The following ARHGEF25 variants were observed in gnomAD, a reference collection of about 807,000 sequenced individuals.
The protein encoded by ARHGEF25 is Rho guanine nucleotide exchange factor 25, also known as RAC/CDC42 exchange factor.
A neutral mutation model predicts 74.0 loss-of-function variants in ARHGEF25; 42 were observed. The observed-to-expected ratio is 0.57, with a 90% CI of 0.44 to 0.73. ARHGEF25 has a LOEUF of 0.73. Among genes scored for constraint, ARHGEF25 ranks in the 30% least tolerant of loss-of-function variants. The probability of loss-of-function intolerance (pLI) is 0.00; values close to 1 mark genes in which losing one functional copy is unlikely to be tolerated. For missense variants in ARHGEF25, 645 were observed against 725.5 expected (o/e 0.89, Z 1.27); for synonymous variants, 293 against 278.6 (o/e 1.05, Z -0.51).
chr12:57,614,566 AGAGCAT>A lies in ARHGEF25; in HGVS notation c.779_784del (p.Glu260_His261del), dbSNP rs770214906. ...TGTACTGTCAGAATAAGCCCAAGTC[AGAGCAT>A]GTGGTGTCAGAGTTTGGGGACAGCT... On this transcript the variant is annotated inframe_deletion, in exon 8 of 15. Transcript: ENST00000286494. The surrounding 1 kb of genome is among the most constrained non-coding windows in gnomAD (Gnocchi z 4.6). 6.2e-7 allele frequency: 1 copy of A among 1,614,030 alleles called. No homozygotes were observed. Among genetic ancestry groups the A allele is most frequent in the South Asian group, 1.1e-5 (1 of 91,076 alleles).
Position 57,611,586 on chromosome 12 carries a change from A to C in ARHGEF25, c.-309A>C. 2 of 992,174 alleles carry C rather than the reference A, an allele frequency of 2.0e-6. No homozygotes were observed. Among genetic ancestry groups the C allele is most frequent in the Non-Finnish European group, 2.4e-6 (2 of 837,114 alleles). The allele number at this position is 992,174 out of a possible 1,614,324, so 61.5% of individuals were successfully genotyped here. ...GCATCCCGGCCCAGCCTCCCCTACC[A>C]TCCCTCCCCCTTCCACTGGACATCT... is the stretch of plus-strand genomic sequence containing the variant. On this transcript the variant is annotated 5_prime_UTR_variant, in exon 1 of 15. Transcript: ENST00000286494. This position sits in a 1 kb window ranked among gnomAD's most constrained non-coding sequence, Gnocchi z 4.5.
At chr12:57,611,239 G>C (rs1384018532), upstream of ARHGEF25, among the ~76,000 whole-genome samples, 1 of 152,208 alleles carries the variant, frequency 6.6e-6, no homozygotes, top group Non-Finnish European at 1.5e-5. The surrounding 1 kb of genome is among the most constrained non-coding windows in gnomAD (Gnocchi z 4.5). Flanking sequence ...GCGAGAGGGA[G>C]GGGGACCCCG....
chr12:57,615,263 GC>G lies in ARHGEF25; in HGVS notation c.990del (p.Lys331SerfsTer6). ...AAGCTGTGGAGGTCATGTGCTTTGT[GC>G]CCAAGCGCTGCAACGATATGATGAC... ...EQAVEVMCFV[P>X]KRCNDMMTLG... is the part of the protein sequence containing the mutation. On this transcript the variant is annotated frameshift_variant, in exon 11 of 15. Coordinates refer to ENST00000286494, the MANE Select transcript of ARHGEF25 (RefSeq NM_182947.4). LOFTEE classifies it high-confidence loss of function. 6.2e-7 allele frequency: 1 copy of G among 1,608,138 alleles called. No homozygotes were observed. The highest frequency in any genetic ancestry group is 8.5e-7 in the Non-Finnish European group (1 of 1,177,302).
intron 5 of ARHGEF25, 112 bp from the exon 6 acceptor site, chr12:57,613,904 C>T (rs1884166537): frequency 2.0e-6 from 3 of 1,474,908 alleles, no homozygotes; most frequent in Non-Finnish European, 2.8e-6. Context: ...GGCAGGGCGG[C>T]TCCCACCAGG....
chr12:57,615,071 T>A, intron 10 of ARHGEF25, 54 bp downstream of exon 10: 1 of 1,605,142 alleles, frequency 6.2e-7, no homozygotes. Context: ...CCTCCTAGTA[T>A]CTCATGGGTT....
chr12:57,613,584 G>GA, intron 4 of ARHGEF25, 68 bp downstream of exon 4: 3 of 1,612,128 alleles, frequency 1.9e-6, no homozygotes, highest in Non-Finnish European at 2.5e-6. Flanking sequence ...ATTTTAGATG[G>GA]AATTTCCTCC....
At chr12:57,612,884 G>T in intron 1 of ARHGEF25, 46 bp from the exon 2 acceptor site, 1 of 1,586,176 alleles carries the variant, frequency 6.3e-7, no homozygotes, top group Non-Finnish European at 8.6e-7. Flanking sequence ...CCTGAGTCTG[G>T]AGCTGGGGCA....
At position 57,616,337 on chromosome 12, in the gene ARHGEF25, G is replaced by C; in HGVS notation, c.1474G>C (p.Gly492Arg). 2 of 1,613,902 alleles carry C rather than the reference G, an allele frequency of 1.2e-6. No individual in the cohort carries two copies. Among genetic ancestry groups the C allele is most frequent in the Non-Finnish European group, 1.7e-6 (2 of 1,179,976 alleles). ...QRRESQTNSL[G>R]RPRGPGVGSP... Reference sequence around the variant, plus strand: ...ACGGGAGAGCCAGACCAACAGCCTGGGGCGGCCAAGAGGGCCTGGAGTGGG... The same window carrying C: ...ACGGGAGAGCCAGACCAACAGCCTGCGGCGGCCAAGAGGGCCTGGAGTGGG... The change falls in exon 14 of 15, where the codon GGG (glycine) becomes CGG (arginine). Residue 492 changes from glycine (G) to arginine (R), a missense_variant. Physicochemically the swap from Gly to Arg is moderately radical, Grantham distance 125. Transcript: ENST00000286494.
At position 57,611,833 on chromosome 12, in the gene ARHGEF25, G is replaced by T. The variant is rs1594957914; in HGVS notation, c.-62G>T. 1 of 1,188,892 alleles carries T rather than the reference G, an allele frequency of 8.4e-7. No individual in the cohort carries two copies. The highest frequency in any genetic ancestry group is 3.2e-5 in the East Asian group (1 of 30,874). The allele number at this position is 1,188,892 out of a possible 1,614,324, so 73.6% of individuals were successfully genotyped here. ...GTGCGCCCGGCGCCGTCCCCGCCCCGCCCCCCGTGATTCCCCCTGCATGGC... is the reference window on the plus strand; with the variant it reads ...GTGCGCCCGGCGCCGTCCCCGCCCCTCCCCCCGTGATTCCCCCTGCATGGC... On this transcript the variant is annotated 5_prime_UTR_variant, in exon 1 of 15. Coordinates refer to ENST00000286494, the MANE Select transcript of ARHGEF25 (RefSeq NM_182947.4). The surrounding 1 kb of genome is among the most constrained non-coding windows in gnomAD (Gnocchi z 4.5).
chr12:57,615,667 G>A lies in ARHGEF25; in HGVS notation c.1194G>A (p.Val398=). 6.2e-7 allele frequency: 1 copy of A among 1,614,200 alleles called. No individual in the cohort carries two copies. Among genetic ancestry groups the A allele is most frequent in the South Asian group, 1.1e-5 (1 of 91,086 alleles). Residue 398 remains valine (V), a synonymous_variant, in exon 12 of 15, where the codon GTG becomes GTA. Coordinates refer to ENST00000286494, the MANE Select transcript of ARHGEF25 (RefSeq NM_182947.4). ...TCAGTGAAGCCCTGGGAGGAGGAGTGAGAGGTGGAACACAGCCTGGATATG... is the reference window on the plus strand; with the variant it reads ...TCAGTGAAGCCCTGGGAGGAGGAGTAAGAGGTGGAACACAGCCTGGATATG... ...IIFSEALGGG[V]RGGTQPGYVY...
upstream of ARHGEF25, among the ~76,000 whole-genome samples, chr12:57,610,976 C>T (rs1019333782): frequency 6.6e-6 from 1 of 152,158 alleles, no homozygotes; most frequent in South Asian, 2.1e-4. Context: ...GTCCCGGGGC[C>T]TGGAGGAAAG....
rs1050273739 is a variant in ARHGEF25, at chr12:57,611,461, C to T, written c.-434C>T. The T allele has an allele frequency of 5.1e-6, 5 of 985,500 alleles. No homozygotes were observed. The African/African-American group carries it at 7.0e-5, about 14-fold the overall frequency. The allele number at this position is 985,500 out of a possible 1,614,324, so 61.0% of individuals were successfully genotyped here. A position where few individuals can be genotyped will look rare whatever the true frequency, so the allele number is the denominator to read the frequency against. ...TTCAGCTCTCCGCTCCGCTGGGACCCGCACAGCGCCAGTGGCTCGGGGGTC... is the reference window on the plus strand; with the variant it reads ...TTCAGCTCTCCGCTCCGCTGGGACCTGCACAGCGCCAGTGGCTCGGGGGTC... On this transcript the variant is annotated 5_prime_UTR_variant, in exon 1 of 15. Coordinates refer to ENST00000286494, the MANE Select transcript of ARHGEF25 (RefSeq NM_182947.4). This position sits in a 1 kb window ranked among gnomAD's most constrained non-coding sequence, Gnocchi z 4.5.
In ARHGEF25 at chr12:57,614,751, G is replaced by A; in HGVS notation, c.879G>A (p.Gln293=). The change falls in exon 9 of 15, where the codon CAG becomes CAA. Residue 293 remains glutamine (Q), a synonymous_variant. Transcript: ENST00000286494. The surrounding 1 kb of genome is among the most constrained non-coding windows in gnomAD (Gnocchi z 4.6). ...ACGACCTCCTCATCAAACCTGTGCAGCGGATCATGAAATACCAGCTGCTGC... is the reference window on the plus strand; with the variant it reads ...ACGACCTCCTCATCAAACCTGTGCAACGGATCATGAAATACCAGCTGCTGC... ...QLNDLLIKPV[Q]RIMKYQLLLK... The A allele has an allele frequency of 1.2e-6, 2 of 1,612,292 alleles. No homozygotes were observed. Among genetic ancestry groups the A allele is most frequent in the Admixed American group, 1.7e-5 (1 of 59,812 alleles).
In ARHGEF25 at chr12:57,615,263, G is replaced by A. The variant is rs1476013822; in HGVS notation, c.987G>A (p.Val329=). The A allele has an allele frequency of 3.1e-6, 5 of 1,608,018 alleles. No homozygotes were observed. The highest frequency in any genetic ancestry group is 4.2e-6 in the Non-Finnish European group (5 of 1,177,308). ...LEQAVEVMCF[V]PKRCNDMMTL... ...AAGCTGTGGAGGTCATGTGCTTTGT[G>A]CCCAAGCGCTGCAACGATATGATGA... Residue 329 remains valine, a synonymous_variant, in exon 11 of 15, where the codon GTG becomes GTA. Coordinates refer to ENST00000286494, the MANE Select transcript of ARHGEF25 (RefSeq NM_182947.4).
chr12:57,610,268 G>C, upstream of ARHGEF25: 2 of 1,594,460 alleles, frequency 1.3e-6, no homozygotes, highest in Non-Finnish European at 8.5e-7. Flanking sequence ...GATACTGGGG[G>C]TCATGGGGGG....
intron 1 of ARHGEF25, chr12:57,612,599 G>C (rs1884099784): frequency 1.5e-6 from 1 of 658,808 alleles, no homozygotes; most frequent in South Asian, 4.5e-5. Context: ...GAGGGTTGTA[G>C]GAGAGCAGAT....
chr12:57,615,920 C>A lies in ARHGEF25; in HGVS notation c.1323C>A (p.Ile441=). The change falls in exon 13 of 15, where the codon ATC becomes ATA. Residue 441 remains isoleucine, a synonymous_variant. Coordinates refer to ENST00000286494, the MANE Select transcript of ARHGEF25 (RefSeq NM_182947.4). ...ALTSRGPEGG[I]QRYVLQAADP... Reference sequence around the variant, plus strand: ...CCTCCAGAGGGCCAGAGGGTGGGATCCAGCGCTATGTCCTGCAGGCTGCAG... The same window carrying A: ...CCTCCAGAGGGCCAGAGGGTGGGATACAGCGCTATGTCCTGCAGGCTGCAG... 6.2e-7 allele frequency: 1 copy of A among 1,614,202 alleles called. No individual in the cohort carries two copies. The highest frequency in any genetic ancestry group is 8.5e-7 in the Non-Finnish European group (1 of 1,180,026).
In ARHGEF25 at chr12:57,614,573, G is replaced by A. The variant is rs545434777; in HGVS notation, c.784G>A (p.Val262Met). Residue 262 changes from valine (V) to methionine (M), a missense_variant, in exon 8 of 15, where the codon GTG (valine) becomes ATG (methionine). Val to Met is a conservative substitution (Grantham distance 21). Coordinates refer to ENST00000286494, the MANE Select transcript of ARHGEF25 (RefSeq NM_182947.4). This position sits in a 1 kb window ranked among gnomAD's most constrained non-coding sequence, Gnocchi z 4.6. The part of the protein sequence containing the change: ...YCQNKPKSEH[V>M]VSEFGDSYFE... ...TCAGAATAAGCCCAAGTCAGAGCAT[G>A]TGGTGTCAGAGTTTGGGGACAGCTA... 22 of 1,614,080 alleles carry A rather than the reference G, an allele frequency of 1.4e-5. No homozygotes were observed. In the South Asian group the frequency reaches 2.3e-4, roughly 17 times the overall value.
rs1884199817 is a variant in ARHGEF25 at position 57,614,626 on chromosome 12, G to A, written c.816+21G>A. 6.2e-7 allele frequency: 1 copy of A among 1,614,008 alleles called. No homozygotes were observed. Among genetic ancestry groups the A allele is most frequent in the African/African-American group, 1.3e-5 (1 of 74,996 alleles). ...TTGAGGTCAGTAGCTGAGATGTCTT[G>A]GTGGGAAGGAGGACAGAACTGGGGC... On this transcript the variant is annotated intron_variant, in intron 8 of 14. Transcript: ENST00000286494. The surrounding 1 kb of genome is among the most constrained non-coding windows in gnomAD (Gnocchi z 4.6).
Sources: gnomAD v4.1 joint callset for allele counts (sites outside exome capture counted in the v4.1 genomes callset) on GRCh38, gnomAD v4.1.1 for gene constraint, Gnocchi (gnomAD v3.1) non-coding constraint, MANE v1.5 for transcripts, NCBI Gene and HGNC (gene_info 2026-07-23, HGNC 2026-07-21) for gene names.